Variants in ST6GALNAC3 observed in about 807,000 individuals in gnomAD.
ST6GALNAC3 encodes the protein alpha-N-acetylgalactosaminide alpha-2,6-sialyltransferase 3.
A neutral mutation model predicts 32.7 loss-of-function variants in ST6GALNAC3; 25 were observed. That is an observed-to-expected ratio of 0.76 (90% CI 0.56 to 1.07). ST6GALNAC3 has a LOEUF of 1.07. Ranked by LOEUF, ST6GALNAC3 falls within the 50% of genes least tolerant of loss-of-function variation. The pLI, the probability that ST6GALNAC3 is intolerant of heterozygous loss-of-function variation, is 0.00. For synonymous variants in ST6GALNAC3, 129 were observed against 133.1 expected (o/e 0.97, Z 0.21); for missense variants, 355 against 382.4 (o/e 0.93, Z 0.60).
intron 1 of ST6GALNAC3, among the ~76,000 whole-genome samples, chr1:76,127,962 T>A (rs1355393530): frequency 6.6e-6 from 1 of 152,088 alleles, no homozygotes; most frequent in East Asian, 1.9e-4. Context: ...TCTTTTTCCT[T>A]CCTCTGCTTG....
intron 2 of ST6GALNAC3, among the ~76,000 whole-genome samples, chr1:76,391,939 A>T (rs572173949): frequency 4.6e-5 from 7 of 152,160 alleles, no homozygotes; most frequent in African/African-American, 1.4e-4. Context: ...GCTTATTTTC[A>T]TTAGGCCTGT....
intron 2 of ST6GALNAC3, among the ~76,000 whole-genome samples, chr1:76,341,077 A>AC (rs548407985): frequency 4.5e-4 from 69 of 151,728 alleles, no homozygotes; most frequent in African/African-American, 1.5e-3. Context: ...TTTAAATGGT[A>AC]CAGGTAGAGG....
chr1:76,589,475 C>T (rs2100577943), intron 3 of ST6GALNAC3, among the ~76,000 whole-genome samples: 1 of 151,998 alleles, frequency 6.6e-6, no homozygotes, highest in African/African-American at 2.4e-5. Context: ...TCCACAATCC[C>T]CTTCTGAGCT....
intron 1 of ST6GALNAC3, among the ~76,000 whole-genome samples, chr1:76,298,771 T>C (rs1557764942): frequency 1.3e-5 from 2 of 152,112 alleles, no homozygotes; most frequent in African/African-American, 4.8e-5. Context: ...AAAAGTGATG[T>C]ATCCAGAAAT....
At chr1:76,207,865 G>A (rs1017141720) in intron 1 of ST6GALNAC3, among the ~76,000 whole-genome samples, 2 of 152,198 alleles carry the variant, frequency 1.3e-5, no homozygotes, top group Non-Finnish European at 2.9e-5. Context: ...TTTACTGGCT[G>A]TTAGATTTTC....
At chr1:76,108,966 C>T (rs1207464724) in intron 1 of ST6GALNAC3, among the ~76,000 whole-genome samples, 1 of 151,940 alleles carries the variant, frequency 6.6e-6, no homozygotes, top group Non-Finnish European at 1.5e-5. Flanking sequence ...TGCCTTAGTT[C>T]ACAGCAGTAT....
At chr1:76,171,338 A>G (rs1652483320) in intron 1 of ST6GALNAC3, among the ~76,000 whole-genome samples, 1 of 152,180 alleles carries the variant, frequency 6.6e-6, no homozygotes, top group South Asian at 2.1e-4. Context: ...AAAAAATCAT[A>G]GAAAAACACA....
intron 3 of ST6GALNAC3, among the ~76,000 whole-genome samples, chr1:76,450,121 T>G (rs987417711): frequency 5.9e-5 from 9 of 152,216 alleles, no homozygotes; most frequent in Admixed American, 5.2e-4. Flanking sequence ...CAAATGGTAG[T>G]TCTACTTTTA....
intron 1 of ST6GALNAC3, among the ~76,000 whole-genome samples, chr1:76,203,421 G>C (rs1654643014): frequency 6.6e-6 from 1 of 152,166 alleles, no homozygotes; most frequent in African/African-American, 2.4e-5. Context: ...AAGTTTTACA[G>C]GCTCTCCAGA....
At chr1:76,391,035 G>A (rs1348162023) in intron 2 of ST6GALNAC3, among the ~76,000 whole-genome samples, 1 of 150,986 alleles carries the variant, frequency 6.6e-6, no homozygotes, top group Non-Finnish European at 1.5e-5. Context: ...CACCTCCCAG[G>A]ATCACGCCAT....
chr1:76,416,883 C>T (rs1654675875), intron 3 of ST6GALNAC3, among the ~76,000 whole-genome samples: 1 of 152,062 alleles, frequency 6.6e-6, no homozygotes, highest in South Asian at 2.1e-4. Flanking sequence ...TCCTTAGGCT[C>T]CCAAAGTGCT....
chr1:76,283,035 A>G (rs548793595), intron 1 of ST6GALNAC3, among the ~76,000 whole-genome samples: 27 of 137,064 alleles, frequency 2.0e-4, no homozygotes, highest in Non-Finnish European at 3.1e-4. Context: ...ACAGAGCTAG[A>G]CTGCCTCAAA....
intron 1 of ST6GALNAC3, among the ~76,000 whole-genome samples, chr1:76,181,903 C>A (rs1357358692): frequency 6.6e-6 from 1 of 152,142 alleles, no homozygotes; most frequent in East Asian, 1.9e-4. Flanking sequence ...CAGCTGGAGG[C>A]AGATTTGCAT....
At chr1:76,405,168 CCTGA>C (rs945083417) in intron 2 of ST6GALNAC3, among the ~76,000 whole-genome samples, 2 of 152,002 alleles carry the variant, frequency 1.3e-5, no homozygotes, top group Non-Finnish European at 2.9e-5. Context: ...CTTTTCTAAT[CCTGA>C]CTGTTTCATA....
intron 3 of ST6GALNAC3, among the ~76,000 whole-genome samples, chr1:76,579,809 T>G (rs1035666933): frequency 6.6e-6 from 1 of 152,002 alleles, no homozygotes; most frequent in Admixed American, 6.6e-5. Context: ...TTTTGTGGGG[T>G]TTTCTTTTGA....
chr1:76,220,745 A>G (rs1655717369), intron 1 of ST6GALNAC3, among the ~76,000 whole-genome samples: 1 of 152,178 alleles, frequency 6.6e-6, no homozygotes, highest in African/African-American at 2.4e-5. Flanking sequence ...ACTAGGGAAT[A>G]GCTCATGTAA....
intron 3 of ST6GALNAC3, among the ~76,000 whole-genome samples, chr1:76,512,179 G>T (rs1024182507): frequency 1.3e-5 from 2 of 152,016 alleles, no homozygotes; most frequent in African/African-American, 4.8e-5. Flanking sequence ...TGAATATTTT[G>T]ATTTTTATGG....
intron 1 of ST6GALNAC3, among the ~76,000 whole-genome samples, chr1:76,088,874 C>G (rs1346823989): frequency 6.6e-6 from 1 of 152,126 alleles, no homozygotes; most frequent in African/African-American, 2.4e-5. Context: ...CATGAAGGAA[C>G]AGGACATTTT....
At chr1:76,534,999 T>G (rs543507618) in intron 3 of ST6GALNAC3, among the ~76,000 whole-genome samples, 137 of 152,284 alleles carry the variant, frequency 9.0e-4, no homozygotes, top group South Asian at 3.3e-3. Flanking sequence ...CAATCTAACT[T>G]GCTAAGACTG....
Sources: gnomAD v4.1 joint callset for allele counts (sites outside exome capture counted in the v4.1 genomes callset) on GRCh38, gnomAD v4.1.1 for gene constraint, MANE v1.5 for transcripts, NCBI Gene and HGNC (gene_info 2026-07-23, HGNC 2026-07-21) for gene names.